Variants in PARN observed in about 807,000 individuals in gnomAD.
The protein encoded by PARN is poly(A)-specific ribonuclease PARN.
A neutral mutation model predicts 102.8 loss-of-function variants in PARN; 71 were observed. That is an observed-to-expected ratio of 0.69 (90% CI 0.57 to 0.84). The LOEUF is 0.84. Ranked by LOEUF, PARN falls within the 40% of genes least tolerant of loss-of-function variation. PARN has a pLI of 0.00. For synonymous variants in PARN, 261 were observed against 252.9 expected (o/e 1.03, Z -0.30); for missense variants, 782 against 760.9 (o/e 1.03, Z -0.33).
chr16:14,482,823 G>T lies in PARN; in HGVS notation c.1485C>A (p.Val495=), dbSNP rs758782170. The T allele has an allele frequency of 1.2e-6, 2 of 1,603,432 alleles. No homozygotes were observed. Among genetic ancestry groups the T allele is most frequent in the African/African-American group, 2.7e-5 (2 of 74,098 alleles). Residue 495 remains valine, a synonymous_variant, in exon 22 of 24, where the codon GTC becomes GTA. Coordinates refer to ENST00000437198, the MANE Select transcript of PARN (RefSeq NM_002582.4). ...LSQPEQVKIA[V]NTSKYAESYR... ...AGCTTTCTGCATATTTGCTGGTATTGACAGCTACAAGGAAAAGAAAAAAAA... is the reference window on the plus strand; with the variant it reads ...AGCTTTCTGCATATTTGCTGGTATTTACAGCTACAAGGAAAAGAAAAAAAA...
intron 18 of PARN, among the ~76,000 whole-genome samples, chr16:14,563,308 T>C (rs1163698560): frequency 1.3e-5 from 2 of 152,050 alleles, no homozygotes; most frequent in Non-Finnish European, 1.5e-5. Flanking sequence ...TAGCAAAAAA[T>C]GGTCACGCCT....
chr16:14,586,589 C>A (rs1046377692), intron 13 of PARN, among the ~76,000 whole-genome samples: 3 of 152,086 alleles, frequency 2.0e-5, no homozygotes, highest in Non-Finnish European at 4.4e-5. Context: ...TTCTGCATAA[C>A]CAAAACAACA....
intron 12 of PARN, among the ~76,000 whole-genome samples, chr16:14,595,867 G>T (rs532755600): frequency 6.6e-6 from 1 of 152,206 alleles, no homozygotes; most frequent in South Asian, 2.1e-4. Context: ...GGTCTCCCAT[G>T]TTGCCCAGGC....
chr16:14,561,730 C>T (rs1322412693), intron 18 of PARN, among the ~76,000 whole-genome samples: 1 of 151,906 alleles, frequency 6.6e-6, no homozygotes, highest in Non-Finnish European at 1.5e-5. Context: ...GATTGTTTGA[C>T]TCCATGAATT....
rs185415582 is a variant in PARN at position 14,483,926 on chromosome 16, T to C, written c.1481-1099A>G. Among the ~76,000 whole-genome samples, 3 of 152,328 alleles carry C rather than the reference T, an allele frequency of 2.0e-5. No individual in the cohort carries two copies. The East Asian group carries it at 5.8e-4, about 29-fold the overall frequency. On this transcript the variant is annotated intron_variant, in intron 21 of 23. Coordinates refer to ENST00000437198, the MANE Select transcript of PARN (RefSeq NM_002582.4). Reference sequence around the variant, plus strand: ...GTTCTTCAGTGACGATTTCTGAGTTTTGGTGCATCCATCAGCTGAGCAGTG... The same window carrying C: ...GTTCTTCAGTGACGATTTCTGAGTTCTGGTGCATCCATCAGCTGAGCAGTG...
chr16:14,616,083 G>GA (rs966134453), intron 6 of PARN, among the ~76,000 whole-genome samples: 8 of 151,110 alleles, frequency 5.3e-5, no homozygotes, highest in African/African-American at 1.5e-4. Context: ...CACCATGGGG[G>GA]AAAAAAAACA....
In PARN at chr16:14,534,566, G is replaced by A. The variant is rs1241301423; in HGVS notation, c.1480+17455C>T. On this transcript the variant is annotated intron_variant, in intron 21 of 23. Coordinates refer to ENST00000437198, the MANE Select transcript of PARN (RefSeq NM_002582.4). ...TTTCCCCCCCTACATAATATGCTAC[G>A]ATCATTTGTTTCTCTTCCCTCTAAA... Among the ~76,000 whole-genome samples, 5 of 151,836 alleles carry A rather than the reference G, an allele frequency of 3.3e-5. No individual in the cohort carries two copies. In the South Asian group the frequency reaches 6.2e-4, roughly 19 times the overall value.
intron 22 of PARN, among the ~76,000 whole-genome samples, chr16:14,456,190 G>A (rs1020666562): frequency 6.7e-6 from 1 of 148,306 alleles, no homozygotes; most frequent in Non-Finnish European, 1.5e-5. Flanking sequence ...TTTTTAAACT[G>A]ATGGGGTCTG....
In PARN at chr16:14,605,145, T is replaced by C. The variant is rs141296397; in HGVS notation, c.703-919A>G. ...TTTTAGTAGAGACGGAGTTTCACCA[T>C]GTTGTCCAGGCTGGTCTCAAACTCC... is the stretch of plus-strand genomic sequence containing the variant. On this transcript the variant is annotated intron_variant, in intron 10 of 23. Transcript: ENST00000437198. Among the ~76,000 whole-genome samples, 19 of 152,132 alleles carry C rather than the reference T, an allele frequency of 1.2e-4. No individual in the cohort carries two copies. The East Asian group carries it at 1.5e-3, about 12-fold the overall frequency.
chr16:14,597,079 G>T (rs1274517863), intron 12 of PARN, among the ~76,000 whole-genome samples: 1 of 152,066 alleles, frequency 6.6e-6, no homozygotes, highest in Non-Finnish European at 1.5e-5. Context: ...GAGCCACCAT[G>T]CCCAGCCCAT....
intron 18 of PARN, chr16:14,565,024 A>G (rs1003032741): frequency 2.0e-5 from 3 of 152,338 alleles, no homozygotes; most frequent in Admixed American, 1.3e-4. Context: ...ACCGACCAGC[A>G]GCTCTACTGT....
chr16:14,533,650 C>T (rs1245759267), intron 21 of PARN, among the ~76,000 whole-genome samples: 1 of 152,188 alleles, frequency 6.6e-6, no homozygotes, highest in Admixed American at 6.5e-5. Flanking sequence ...CTCAGCCTTC[C>T]TCTACTAGGC....
intron 23 of PARN, among the ~76,000 whole-genome samples, chr16:14,445,349 CG>C (rs1358472723): frequency 6.6e-6 from 1 of 152,142 alleles, no homozygotes; most frequent in Non-Finnish European, 1.5e-5. Context: ...ACAGTCAGAT[CG>C]GGCCACATGC....
intron 18 of PARN, among the ~76,000 whole-genome samples, chr16:14,580,445 G>A (rs951397349): frequency 4.0e-5 from 6 of 151,754 alleles, no homozygotes; most frequent in African/African-American, 1.2e-4. Flanking sequence ...ATGCCACCAC[G>A]CCTGGCTAAT....
At chr16:14,574,819 G>A (rs1969021095) in intron 18 of PARN, among the ~76,000 whole-genome samples, 2 of 152,182 alleles carry the variant, frequency 1.3e-5, no homozygotes, top group South Asian at 4.1e-4. Flanking sequence ...TGTCTCCAGG[G>A]CGTGTCAGAG....
intron 22 of PARN, among the ~76,000 whole-genome samples, chr16:14,456,383 A>T (rs1281143038): frequency 1.3e-5 from 2 of 151,892 alleles, no homozygotes; most frequent in East Asian, 3.9e-4. Flanking sequence ...ATGTTGCCTC[A>T]GGCTGGTTTT....
At chr16:14,544,067 C>G (rs1269523121) in intron 21 of PARN, among the ~76,000 whole-genome samples, 1 of 152,134 alleles carries the variant, frequency 6.6e-6, no homozygotes, top group East Asian at 1.9e-4. Context: ...GGGTGCATGC[C>G]TGTAATCCCA....
intron 12 of PARN, among the ~76,000 whole-genome samples, chr16:14,598,704 A>C (rs963883516): frequency 4.6e-5 from 7 of 152,210 alleles, no homozygotes; most frequent in Non-Finnish European, 7.3e-5. Context: ...CTCGTGAGCC[A>C]ACCCTCTTCT....
chr16:14,617,491 G>C (rs2151808556), intron 6 of PARN, 99 bp downstream of exon 6: 1 of 718,970 alleles, frequency 1.4e-6, no homozygotes, highest in Admixed American at 2.0e-5. Context: ...CTGTGTCTCA[G>C]CAGGCACAAA....
Sources: gnomAD v4.1 joint callset for allele counts (sites outside exome capture counted in the v4.1 genomes callset) on GRCh38, gnomAD v4.1.1 for gene constraint, MANE v1.5 for transcripts, NCBI Gene and HGNC (gene_info 2026-07-23, HGNC 2026-07-21) for gene names.